DGKI: variants seen among roughly 807,000 people sequenced by gnomAD.
DGKI encodes diacylglycerol kinase iota.
In DGKI, 55 loss-of-function variants were observed where a neutral mutation model predicts 147.5. That is an observed-to-expected ratio of 0.37 (90% CI 0.30 to 0.47). The LOEUF is 0.47. DGKI is among the 20% of genes least tolerant of loss of function. DGKI has a pLI of 1.00. For missense variants in DGKI, 1,007 were observed against 1,323.8 expected, an observed-to-expected ratio of 0.76 and a Z score of 3.71; for synonymous variants, 469 against 477.1, an observed-to-expected ratio of 0.98 and a Z score of 0.22.
chr7:137,559,173 G>A (rs1282503203), intron 19 of DGKI, among the ~76,000 whole-genome samples: 11 of 132,608 alleles, frequency 8.3e-5, no homozygotes, highest in South Asian at 2.6e-4. Flanking sequence ...CCGGGTTCAC[G>A]CCATTCTCCT....
rs1189326675 is a variant in DGKI at position 137,384,760 on chromosome 7, T to G, written c.*6460A>C. The G allele has an allele frequency of 6.6e-6, 1 of 152,090 alleles. No homozygotes were observed. The highest frequency in any genetic ancestry group is 2.4e-5 in the African/African-American group (1 of 41,432). 9.4% of individuals were successfully genotyped at this position (152,090 alleles called of 1,614,324 possible). On this transcript the variant is annotated 3_prime_UTR_variant, in exon 33 of 33. Coordinates refer to ENST00000614521, the MANE Select transcript of DGKI (RefSeq NM_001321708.2). ...TAGATTTGAGTTGTTTATACTGTCA[T>G]AGAGTGAAAACTATATGTGTGTTTC...
intron 16 of DGKI, 133 bp from the exon 17 acceptor site, chr7:137,577,417 C>A: frequency 1.5e-6 from 1 of 670,238 alleles, no homozygotes; most frequent in East Asian, 2.7e-5. Flanking sequence ...CTGCAGAATC[C>A]AAAGTAAAGC....
intron 3 of DGKI, among the ~76,000 whole-genome samples, chr7:137,676,930 C>G (rs1362098410): frequency 6.6e-6 from 1 of 152,152 alleles, no homozygotes; most frequent in Non-Finnish European, 1.5e-5. Flanking sequence ...AGGGATGACT[C>G]TGTATAAAAT....
intron 6 of DGKI, among the ~76,000 whole-genome samples, chr7:137,644,901 C>T (rs1821771575): frequency 6.6e-6 from 1 of 152,170 alleles, no homozygotes; most frequent in Admixed American, 6.5e-5. Flanking sequence ...ACAACACCCC[C>T]ACCCCTTGCT....
chr7:137,445,781 A>T (rs1430543198), intron 27 of DGKI, among the ~76,000 whole-genome samples: 1 of 152,170 alleles, frequency 6.6e-6, no homozygotes, highest in Non-Finnish European at 1.5e-5. Context: ...AAGTGCCTGA[A>T]GCTCCAATTG....
chr7:137,647,202 T>C (rs963330592), intron 5 of DGKI, among the ~76,000 whole-genome samples: 5 of 152,200 alleles, frequency 3.3e-5, no homozygotes, highest in Non-Finnish European at 7.3e-5. Context: ...ATGAGAATTT[T>C]CATGAGTAGA....
At chr7:137,819,499 A>G (rs1270576609) in intron 1 of DGKI, among the ~76,000 whole-genome samples, 2 of 151,826 alleles carry the variant, frequency 1.3e-5, no homozygotes, top group African/African-American at 2.4e-5. Context: ...TTTAGTAGAG[A>G]CGGGGTTTCA....
intron 1 of DGKI, among the ~76,000 whole-genome samples, chr7:137,757,620 C>T (rs1795729328): frequency 6.6e-6 from 1 of 152,198 alleles, no homozygotes; most frequent in African/African-American, 2.4e-5. Context: ...TACCCATTAT[C>T]TGACCCTCAA....
At chr7:137,492,363 C>A (rs1450999828) in intron 21 of DGKI, among the ~76,000 whole-genome samples, 1 of 152,076 alleles carries the variant, frequency 6.6e-6, no homozygotes, top group East Asian at 1.9e-4. Flanking sequence ...GACTGGCACA[C>A]TCTAAGCAGA....
chr7:137,430,720 C>T (rs541628530), intron 28 of DGKI, among the ~76,000 whole-genome samples: 24 of 152,030 alleles, frequency 1.6e-4, no homozygotes, highest in Admixed American at 2.6e-4. Context: ...AACGAAGATT[C>T]GCATTGGTAG....
chr7:137,387,953 T>C lies in DGKI; in HGVS notation c.*3267A>G, dbSNP rs138162889. 5.3e-5 allele frequency: 8 copies of C among 152,272 alleles called. No individual in the cohort carries two copies. The East Asian group carries it at 1.2e-3, about 22-fold the overall frequency. The allele number at this position is 152,272 out of a possible 1,614,324, so 9.4% of individuals were successfully genotyped here. A position where few individuals can be genotyped will look rare whatever the true frequency, so the allele number is the denominator to read the frequency against. ...GGTCCAGATGAAAATGAAGTGATGT[T>C]GAGTAGCTCCCAGCACAGGCAGATC... On this transcript the variant is annotated 3_prime_UTR_variant, in exon 33 of 33. Coordinates refer to ENST00000614521, the MANE Select transcript of DGKI (RefSeq NM_001321708.2).
At chr7:137,721,985 A>G in intron 1 of DGKI, 1 of 1,541,616 alleles carries the variant, frequency 6.5e-7, no homozygotes, top group Non-Finnish European at 8.7e-7. Flanking sequence ...CCATCTTGCA[A>G]GATGGCGGGT....
At chr7:137,752,988 G>A (rs1323450770) in intron 1 of DGKI, among the ~76,000 whole-genome samples, 2 of 151,960 alleles carry the variant, frequency 1.3e-5, no homozygotes, top group Non-Finnish European at 2.9e-5. Flanking sequence ...TAGACAGCCA[G>A]TATCACTCAC....
intron 28 of DGKI, among the ~76,000 whole-genome samples, chr7:137,440,795 G>A (rs576086345): frequency 9.9e-5 from 15 of 152,194 alleles, no homozygotes; most frequent in African/African-American, 3.1e-4. Flanking sequence ...ACCCTGATGC[G>A]CTATTATATA....
intron 3 of DGKI, among the ~76,000 whole-genome samples, chr7:137,678,015 A>T (rs2116389586): frequency 6.6e-6 from 1 of 152,362 alleles, no homozygotes; most frequent in East Asian, 1.9e-4. Context: ...AAACAACAAA[A>T]GTTAACTCCA....
intron 1 of DGKI, among the ~76,000 whole-genome samples, chr7:137,778,029 G>T (rs373584718): frequency 1.1e-4 from 17 of 152,288 alleles, no homozygotes; most frequent in African/African-American, 4.1e-4. Context: ...CTACCAAGGC[G>T]TACACAGCTC....
intron 1 of DGKI, among the ~76,000 whole-genome samples, chr7:137,730,147 G>T (rs1266420348): frequency 1.3e-5 from 2 of 151,922 alleles, no homozygotes; most frequent in Non-Finnish European, 2.9e-5. Flanking sequence ...GCTCTAATAG[G>T]CCGCCTACAC....
At chr7:137,643,778 GC>G in intron 6 of DGKI, among the ~76,000 whole-genome samples, 1 of 152,132 alleles carries the variant, frequency 6.6e-6, no homozygotes, top group Non-Finnish European at 1.5e-5. Context: ...GTGCAATATG[GC>G]ACTAGGGAAC....
chr7:137,649,841 G>T (rs1821963094), intron 5 of DGKI, among the ~76,000 whole-genome samples: 1 of 150,494 alleles, frequency 6.6e-6, no homozygotes, highest in South Asian at 2.1e-4. Flanking sequence ...GTCCGTTATG[G>T]CTTATGACTA....
Sources: gnomAD v4.1 joint callset for allele counts (sites outside exome capture counted in the v4.1 genomes callset) on GRCh38, gnomAD v4.1.1 for gene constraint, MANE v1.5 for transcripts, NCBI Gene and HGNC (gene_info 2026-07-23, HGNC 2026-07-21) for gene names.